Variants in HEXA observed in about 807,000 individuals in gnomAD.
The protein encoded by HEXA is hexosaminidase subunit alpha, also known as beta-hexosaminidase subunit alpha.
In HEXA, 54 loss-of-function variants were observed where a neutral mutation model predicts 73.3. The observed-to-expected ratio is 0.74, with a 90% CI of 0.59 to 0.92. HEXA has a LOEUF of 0.92. Ranked by LOEUF, HEXA falls within the 40% of genes least tolerant of loss-of-function variation. The probability of loss-of-function intolerance (pLI) is 0.00; values close to 1 mark genes in which losing one functional copy is unlikely to be tolerated. For missense variants in HEXA, 649 were observed against 653.0 expected (o/e 0.99, Z 0.07); for synonymous variants, 230 against 246.9 (o/e 0.93, Z 0.64).
intron 1 of HEXA, among the ~76,000 whole-genome samples, chr15:72,364,172 C>T (rs914986852): frequency 7.9e-5 from 12 of 151,810 alleles, no homozygotes; most frequent in African/African-American, 2.2e-4. Flanking sequence ...TGGGAGGCTG[C>T]GGCAGGAGAA....
In HEXA at chr15:72,347,734, A is replaced by C. The variant is rs979690054; in HGVS notation, c.1098T>G (p.Tyr366Ter). The C allele has an allele frequency of 6.2e-7, 1 of 1,614,194 alleles. No individual in the cohort carries two copies. Among genetic ancestry groups the C allele is most frequent in the Admixed American group, 1.7e-5 (1 of 60,032 alleles). The change falls in exon 10 of 14, where the codon TAT (tyrosine) becomes TAG (stop). Residue 366 changes from tyrosine to a stop codon, truncating the protein, a stop_gained. Coordinates refer to ENST00000268097, the MANE Select transcript of HEXA (RefSeq NM_000520.6). LOFTEE classifies it high-confidence loss of function. ...IQTLLDIVSS[Y>*]GKGYVVWQEV... ...CCTGCCACACCACATAGCCCTTGCC[A>C]TAAGAAGAGACGATGTCCAGCAGCC... is the stretch of plus-strand genomic sequence containing the variant.
chr15:72,350,775 G>A (rs2088684612), intron 6 of HEXA, 125 bp from the exon 7 acceptor site: 7 of 1,030,266 alleles, frequency 6.8e-6, no homozygotes, highest in Non-Finnish European at 1.0e-5. Context: ...TGGTGTCAGG[G>A]ACTATCTTCA....
intron 1 of HEXA, among the ~76,000 whole-genome samples, chr15:72,365,388 G>C (rs569245397): frequency 4.6e-5 from 7 of 152,088 alleles, no homozygotes; most frequent in Non-Finnish European, 8.8e-5. Context: ...CGTGAGCCAC[G>C]GCACCCAGCC....
At chr15:72,374,547 A>AATG (rs34496117) in intron 1 of HEXA, among the ~76,000 whole-genome samples, 121,227 of 151,918 alleles carry the variant, frequency 0.8, 52,421 homozygotes, top group Non-Finnish European at 0.95. Context: ...CATCATATAA[A>AATG]ATATTACTAC....
At chr15:72,356,642 G>A in intron 1 of HEXA, 25 bp from the exon 2 acceptor site, 2 of 1,613,366 alleles carry the variant, frequency 1.2e-6, no homozygotes, top group Non-Finnish European at 1.7e-6. Flanking sequence ...TAAGCTTGGT[G>A]CGGCCAACCT....
At chr15:72,345,957 GC>G in intron 12 of HEXA, 2 of 551,016 alleles carry the variant, frequency 3.6e-6, no homozygotes, top group South Asian at 4.1e-5. Context: ...TGGGTCTTGA[GC>G]AACTCACCTA....
At chr15:72,361,112 GA>G (rs1040364315) in intron 1 of HEXA, among the ~76,000 whole-genome samples, 2 of 152,152 alleles carry the variant, frequency 1.3e-5, no homozygotes, top group Non-Finnish European at 2.9e-5. Flanking sequence ...GTAATTTACT[GA>G]ATGCTTACTA....
intron 4 of HEXA, among the ~76,000 whole-genome samples, chr15:72,353,400 C>A (rs953340351): frequency 1.3e-5 from 2 of 152,156 alleles, no homozygotes; most frequent in Non-Finnish European, 2.9e-5. Flanking sequence ...GTCCCAAACA[C>A]CACTCAGCCT....
intron 3 of HEXA, chr15:72,354,801 A>G (rs1289756860): frequency 2.6e-5 from 4 of 152,296 alleles, no homozygotes; most frequent in African/African-American, 7.2e-5. Flanking sequence ...AGTGGGAGAG[A>G]TATTTGGCTA....
Position 72,346,713 on chromosome 15 carries a change from G to A in HEXA, c.1147-3C>T, listed in dbSNP as rs1304188592. On this transcript the variant is annotated splice_polypyrimidine_tract_variant and splice_region_variant and intron_variant, in intron 10 of 13. Transcript: ENST00000268097. Reference sequence around the variant, plus strand: ...TGTATGATTGTGTCTGGCTGAATCTGTTATAAAAGGTCAAATGGCAGTAAG... The same window carrying A: ...TGTATGATTGTGTCTGGCTGAATCTATTATAAAAGGTCAAATGGCAGTAAG... The A allele has an allele frequency of 6.2e-7, 1 of 1,613,894 alleles. No homozygotes were observed. The highest frequency in any genetic ancestry group is 1.3e-5 in the African/African-American group (1 of 75,036).
Position 72,375,977 on chromosome 15 carries a change from C to G in HEXA, c.-5G>C, listed in dbSNP as rs1049449595. On this transcript the variant is annotated 5_prime_UTR_variant, in exon 1 of 14. Transcript: ENST00000268097. ...CCAAAGCCTGGAGCTTGTCATGGCC[C>G]GCTGGTCTCCCCTCTCGGAGGGGGC... 2.2e-5 allele frequency: 35 copies of G among 1,612,966 alleles called. No homozygotes were observed. The highest frequency in any genetic ancestry group is 1.7e-4 in the Middle Eastern group (1 of 6,002).
intron 1 of HEXA, among the ~76,000 whole-genome samples, chr15:72,365,121 G>A (rs1480184265): frequency 4.6e-5 from 7 of 152,130 alleles, no homozygotes; most frequent in African/African-American, 1.4e-4. Context: ...ACGGAGTCTC[G>A]CTCTGTCGCC....
chr15:72,349,340 A>G, intron 7 of HEXA, 81 bp from the exon 8 acceptor site: 2 of 1,115,534 alleles, frequency 1.8e-6, no homozygotes, highest in Non-Finnish European at 2.7e-6. Context: ...GACACGAGTC[A>G]CACAAAGCAA....
chr15:72,348,643 G>C (rs937934569), intron 8 of HEXA, among the ~76,000 whole-genome samples: 13 of 152,268 alleles, frequency 8.5e-5, no homozygotes, highest in African/African-American at 3.1e-4. Flanking sequence ...TCTTCTCAAA[G>C]AAGCCCCTCA....
intron 1 of HEXA, 182 bp from the exon 2 acceptor site, chr15:72,356,799 C>A: frequency 1.2e-6 from 1 of 854,028 alleles, no homozygotes. Context: ...CTCGTTGTGC[C>A]CCTCTTCTCC....
At chr15:72,345,352 A>T in intron 13 of HEXA, 94 bp downstream of exon 13, 5 of 1,571,648 alleles carry the variant, frequency 3.2e-6, no homozygotes, top group Non-Finnish European at 3.4e-6. Flanking sequence ...TGTAAGTGTT[A>T]GCTATTGTTA....
rs1567298204 is a variant in HEXA, at chr15:72,350,666, C to G, written c.673-16G>C. Reference sequence around the variant, plus strand: ...TGTAGGACCCCTGAAAGGCACAAGACACCCTTCAGGTTCACACTTCCTGAA... The same window carrying G: ...TGTAGGACCCCTGAAAGGCACAAGAGACCCTTCAGGTTCACACTTCCTGAA... On this transcript the variant is annotated splice_polypyrimidine_tract_variant and intron_variant, in intron 6 of 13. Coordinates refer to ENST00000268097, the MANE Select transcript of HEXA (RefSeq NM_000520.6). The G allele has an allele frequency of 1.2e-6, 2 of 1,614,018 alleles. No homozygotes were observed. Among genetic ancestry groups the G allele is most frequent in the Admixed American group, 1.7e-5 (1 of 60,016 alleles).
chr15:72,369,296 T>C (rs1320736548), intron 1 of HEXA, among the ~76,000 whole-genome samples: 3 of 152,228 alleles, frequency 2.0e-5, no homozygotes, highest in African/African-American at 7.2e-5. Context: ...CATGTAAACC[T>C]TGAGACAGCT....
chr15:72,368,042 T>C (rs1244552740), intron 1 of HEXA, among the ~76,000 whole-genome samples: 3 of 152,170 alleles, frequency 2.0e-5, no homozygotes, highest in Admixed American at 6.5e-5. Flanking sequence ...ACGGGGAAGT[T>C]CAATTTAATA....
Sources: gnomAD v4.1 joint callset for allele counts (sites outside exome capture counted in the v4.1 genomes callset) on GRCh38, gnomAD v4.1.1 for gene constraint, MANE v1.5 for transcripts, NCBI Gene and HGNC (gene_info 2026-07-23, HGNC 2026-07-21) for gene names.